RNF123: variants seen among roughly 807,000 people sequenced by gnomAD.
RNF123 encodes ring finger protein 123.
RNF123 carries 86 observed loss-of-function variants against 168.5 expected under a neutral mutation model. The ratio of observed to expected loss-of-function variants is 0.51; its 90% CI spans 0.43 to 0.61. The LOEUF is 0.61. Ranked by LOEUF, RNF123 falls within the 20% of genes least tolerant of loss-of-function variation. The pLI is 0.00. For synonymous variants in RNF123, 666 were observed against 689.1 expected (o/e 0.97, Z 0.52); for missense variants, 1,419 against 1,729.7 (o/e 0.82, Z 3.19).
intron 26 of RNF123, among the ~76,000 whole-genome samples, chr3:49,709,014 C>T (rs1004235782): frequency 1.3e-5 from 2 of 152,172 alleles, no homozygotes; most frequent in Non-Finnish European, 2.9e-5. Context: ...GTCACCCAGG[C>T]TGGAGTGCAA....
At chr3:49,696,905 C>T in intron 3 of RNF123, 1 of 473,052 alleles carries the variant, frequency 2.1e-6, no homozygotes, top group Non-Finnish European at 4.0e-6. Flanking sequence ...CTCGGCCTCC[C>T]AAAGTGCTGG....
intron 35 of RNF123, chr3:49,719,616 T>C (rs998435492): frequency 1.5e-6 from 1 of 659,520 alleles, no homozygotes. Context: ...GCCCCTACTC[T>C]CCGGTTCCCA....
Position 49,691,347 on chromosome 3 carries a change from A to G in RNF123, c.83-78A>G. 8 of 1,594,076 alleles carry G rather than the reference A, an allele frequency of 5.0e-6. No individual in the cohort carries two copies. The South Asian group carries it at 8.8e-5, about 18-fold the overall frequency. On this transcript the variant is annotated intron_variant, in intron 2 of 38. Transcript: ENST00000327697. ...CTGCACCTGTGGCTGGCCTAGGACC[A>G]GAAGTCTCTGGGGCCAGCAGGGGCC... is the stretch of plus-strand genomic sequence containing the variant.
Position 49,700,172 on chromosome 3 carries a change from G to T in RNF123, c.985-55G>T, listed in dbSNP as rs1262005281. ...GCCTTGGCCATGTGCCAGGGCAGGG[G>T]TGCCTTGACCAGAGTGGAAGGCCAC... On this transcript the variant is annotated intron_variant, in intron 12 of 38. Transcript: ENST00000327697. 3 of 1,607,078 alleles carry T rather than the reference G, an allele frequency of 1.9e-6. No homozygotes were observed. In the East Asian group the frequency reaches 6.7e-5, roughly 36 times the overall value.
Position 49,699,200 on chromosome 3 carries a change from G to C in RNF123, c.764+95G>C. 2 of 1,478,016 alleles carry C rather than the reference G, an allele frequency of 1.4e-6. No homozygotes were observed. Among genetic ancestry groups the C allele is most frequent in the Non-Finnish European group, 1.8e-6 (2 of 1,096,930 alleles). 91.6% of individuals were successfully genotyped at this position (1,478,016 alleles called of 1,614,324 possible). ...ACCCCAGGGGTGCCATGGGCTGGTG[G>C]CAGGCCCTGGCTGCTGCAGAGTTAG... is the stretch of plus-strand genomic sequence containing the variant. On this transcript the variant is annotated intron_variant, in intron 10 of 38. Coordinates refer to ENST00000327697, the MANE Select transcript of RNF123 (RefSeq NM_022064.5). The surrounding 1 kb of genome is among the most constrained non-coding windows in gnomAD (Gnocchi z 4.8).
rs964133511 is a variant in RNF123, at chr3:49,697,118, C to A, written c.168-25C>A. ...GGCTGATTTCAAGGACTTGTGGACC[C>A]CTGGCAGCCTCTCACTCTCCCCAGG... On this transcript the variant is annotated intron_variant, in intron 3 of 38. Transcript: ENST00000327697. 5.6e-6 allele frequency: 9 copies of A among 1,600,418 alleles called. No homozygotes were observed. The African/African-American group carries it at 9.4e-5, about 17-fold the overall frequency.
chr3:49,705,346 G>A (rs1575530033), intron 23 of RNF123, among the ~76,000 whole-genome samples, 164 bp downstream of exon 23: 2 of 152,172 alleles, frequency 1.3e-5, no homozygotes, highest in South Asian at 4.1e-4. Flanking sequence ...GATCAATGCC[G>A]CAGAAATAGG....
At position 49,700,000 on chromosome 3, in the gene RNF123, T is replaced by C; in HGVS notation, c.985-227T>C. 1 of 690,350 alleles carries C rather than the reference T, an allele frequency of 1.4e-6. No homozygotes were observed. The highest frequency in any genetic ancestry group is 2.7e-5 in the East Asian group (1 of 36,726). 42.8% of individuals were successfully genotyped at this position (690,350 alleles called of 1,614,324 possible). On this transcript the variant is annotated intron_variant, in intron 12 of 38. Coordinates refer to ENST00000327697, the MANE Select transcript of RNF123 (RefSeq NM_022064.5). This position sits in a 1 kb window ranked among gnomAD's most constrained non-coding sequence, Gnocchi z 4.8. ...TCCTGGAAAGAAGACTGAAGGATAA[T>C]AACATCCCAGGCCAAGGAAACTGCG...
At chr3:49,713,712 T>C (rs750715353) in intron 28 of RNF123, 26 bp from the exon 29 acceptor site, 1 of 1,584,206 alleles carries the variant, frequency 6.3e-7, no homozygotes, top group Non-Finnish European at 8.6e-7. Context: ...GCCAAGCCCC[T>C]GCTGAGGCAC....
rs2054418068 is a variant in RNF123, at chr3:49,702,268, C to G, written c.1558-66C>G. The G allele has an allele frequency of 2.5e-6, 4 of 1,598,192 alleles. No homozygotes were observed. The South Asian group carries it at 4.4e-5, about 18-fold the overall frequency. ...GCAGGGGCTGGGGGAAGGTGCAGCA[C>G]TGAGCCAGCCCAGTCTGGGCCTGCA... On this transcript the variant is annotated intron_variant, in intron 18 of 38. Coordinates refer to ENST00000327697, the MANE Select transcript of RNF123 (RefSeq NM_022064.5).
At chr3:49,718,925 T>C (rs1353277525) in intron 35 of RNF123, 4 of 1,613,542 alleles carry the variant, frequency 2.5e-6, no homozygotes. Flanking sequence ...TGGGTGGCGC[T>C]CAGACCGTGC....
At chr3:49,705,892 C>A in intron 24 of RNF123, 90 bp from the exon 25 acceptor site, 1 of 1,502,354 alleles carries the variant, frequency 6.7e-7, no homozygotes, top group Non-Finnish European at 9.2e-7. Flanking sequence ...AGGTTGGGAC[C>A]TTGGCAGGGC....
At position 49,704,778 on chromosome 3, in the gene RNF123, G is replaced by A. The variant is rs1330603287; in HGVS notation, c.1959+22G>A. On this transcript the variant is annotated intron_variant, in intron 22 of 38. Transcript: ENST00000327697. ...CCAGGTGCCGCAGTGGGGGCAGGCG[G>A]TGGGATTTGTGTTGGGCTTATCCTG... The A allele has an allele frequency of 2.6e-6, 4 of 1,550,814 alleles. No individual in the cohort carries two copies. The African/African-American group carries it at 4.1e-5, about 16-fold the overall frequency.
intron 3 of RNF123, among the ~76,000 whole-genome samples, chr3:49,691,866 A>G (rs1575516618): frequency 6.6e-6 from 1 of 152,242 alleles, no homozygotes; most frequent in Non-Finnish European, 1.5e-5. Flanking sequence ...GACCTTGTAA[A>G]GAACAAACTC....
Position 49,701,580 on chromosome 3 carries a change from C to G in RNF123, c.1367C>G (p.Thr456Ser), listed in dbSNP as rs1234682711. ...EAGLQELIPT[T>S]WWPHCSSREG... Reference sequence around the variant, plus strand: ...GGCCTGCAGGAGCTCATTCCCACCACCTGGTGGCCCCACTGCTCCAGTAGG... The same window carrying G: ...GGCCTGCAGGAGCTCATTCCCACCAGCTGGTGGCCCCACTGCTCCAGTAGG... Residue 456 changes from threonine (T) to serine (S), a missense_variant, in exon 16 of 39, where the codon ACC becomes AGC. By Grantham distance (58) the Thr-to-Ser change is moderately conservative. Coordinates refer to ENST00000327697, the MANE Select transcript of RNF123 (RefSeq NM_022064.5). The G allele has an allele frequency of 6.2e-7, 1 of 1,613,562 alleles. No individual in the cohort carries two copies. Among genetic ancestry groups the G allele is most frequent in the Admixed American group, 1.7e-5 (1 of 60,036 alleles).
chr3:49,721,401 C>G lies in RNF123; in HGVS notation c.*96C>G. On this transcript the variant is annotated 3_prime_UTR_variant, in exon 39 of 39. Coordinates refer to ENST00000327697, the MANE Select transcript of RNF123 (RefSeq NM_022064.5). ...CTCCCTTTGCCCTTCTCCTGTATCC[C>G]ACACCACCACATCCAACCTCCTTGC... 6.7e-7 allele frequency: 1 copy of G among 1,485,620 alleles called. No homozygotes were observed. 92.0% of individuals were successfully genotyped at this position (1,485,620 alleles called of 1,614,324 possible).
chr3:49,720,243 G>C (rs550469911), intron 35 of RNF123: 1 of 271,166 alleles, frequency 3.7e-6, no homozygotes, highest in Admixed American at 5.0e-5. Context: ...TTGAACCCGG[G>C]AGGTGGAGGT....
At chr3:49,696,188 C>A (rs1432912206) in intron 3 of RNF123, among the ~76,000 whole-genome samples, 1 of 152,188 alleles carries the variant, frequency 6.6e-6, no homozygotes, top group Non-Finnish European at 1.5e-5. Context: ...TTTCTCCCAG[C>A]CTTCTTCTTC....
At position 49,713,845 on chromosome 3, in the gene RNF123, C is replaced by T; in HGVS notation, c.2837+20C>T. On this transcript the variant is annotated intron_variant, in intron 29 of 38. Coordinates refer to ENST00000327697, the MANE Select transcript of RNF123 (RefSeq NM_022064.5). ...GGAGCAGTGAGTGGGGCCTGGGGGG[C>T]ACACACCCTGGCCACAAGCACCATG... is the stretch of plus-strand genomic sequence containing the variant. 1 of 1,612,828 alleles carries T rather than the reference C, an allele frequency of 6.2e-7. No homozygotes were observed. Among genetic ancestry groups the T allele is most frequent in the Non-Finnish European group, 8.5e-7 (1 of 1,179,524 alleles).
Sources: allele counts gnomAD v4.1 joint callset (sites outside exome capture counted in the v4.1 genomes callset), GRCh38; gene constraint gnomAD v4.1.1; non-coding constraint Gnocchi (gnomAD v3.1); transcripts MANE v1.5; gene names NCBI Gene and HGNC (gene_info 2026-07-23, HGNC 2026-07-21).